Variants in ITGA11 observed in about 807,000 individuals in gnomAD.
ITGA11 encodes the protein integrin subunit alpha 11.
A neutral mutation model predicts 141.9 loss-of-function variants in ITGA11; 97 were observed. That is an observed-to-expected ratio of 0.68 (90% CI 0.58 to 0.81). The LOEUF (loss-of-function observed/expected upper bound fraction) is 0.81, where lower values mean the gene tolerates loss of function less well. Ranked by LOEUF, ITGA11 falls within the 30% of genes least tolerant of loss-of-function variation. The probability of loss-of-function intolerance (pLI) is 0.00; values close to 1 mark genes in which losing one functional copy is unlikely to be tolerated. For synonymous variants in ITGA11, 658 were observed against 624.6 expected (o/e 1.05, Z -0.80); for missense variants, 1,387 against 1,559.2 (o/e 0.89, Z 1.86).
chr15:68,318,305 T>C (rs1893664714), intron 20 of ITGA11, among the ~76,000 whole-genome samples: 1 of 152,158 alleles, frequency 6.6e-6, no homozygotes. Flanking sequence ...AGAAACTATC[T>C]CCATGATTCC....
chr15:68,369,232 C>T lies in ITGA11; in HGVS notation c.217G>A (p.Val73Met), dbSNP rs759344102. The change falls in exon 3 of 30, where the codon GTG becomes ATG. Residue 73 changes from valine to methionine, a missense_variant. By Grantham distance (21) the Val-to-Met change is conservative. Transcript: ENST00000315757. ...CCGTGGATCACTGGACACTTGTACACGTCTCCCGTCTTCTGGTAGCCATTG... is the reference window on the plus strand; with the variant it reads ...CCGTGGATCACTGGACACTTGTACATGTCTCCCGTCTTCTGGTAGCCATTG... ...ETNGYQKTGD[V>M]YKCPVIHGNC... 18 of 1,613,856 alleles carry T rather than the reference C, an allele frequency of 1.1e-5. No individual in the cohort carries two copies. The highest frequency in any genetic ancestry group is 4.4e-5 in the South Asian group (4 of 91,084).
intron 2 of ITGA11, among the ~76,000 whole-genome samples, chr15:68,396,295 A>G (rs980473969): frequency 1.8e-4 from 27 of 152,116 alleles, no homozygotes; most frequent in African/African-American, 5.8e-4. Context: ...AATTAACCAT[A>G]TTAACAGAAT....
At chr15:68,426,487 T>C (rs1374400938) in intron 1 of ITGA11, among the ~76,000 whole-genome samples, 1 of 151,902 alleles carries the variant, frequency 6.6e-6, no homozygotes, top group African/African-American at 2.4e-5. Context: ...GGGAGAGACG[T>C]TCTCACATAA....
intron 3 of ITGA11, among the ~76,000 whole-genome samples, chr15:68,366,616 G>A (rs187777198): frequency 6.6e-6 from 1 of 152,208 alleles, no homozygotes; most frequent in East Asian, 1.9e-4. Context: ...TGTGCAGCTG[G>A]CTGAGACAGA....
rs1893943933 is a variant in ITGA11 at position 68,325,452 on chromosome 15, T to C, written c.2212-211A>G. On this transcript the variant is annotated intron_variant, in intron 17 of 29. Transcript: ENST00000315757. This position sits in a 1 kb window ranked among gnomAD's most constrained non-coding sequence, Gnocchi z 5.5. ...CTGTGAAAGGAGCTCCAAGCTCAGC[T>C]CATGCCAACCTAGCTGCCTGGCTGT... 6.6e-6 allele frequency among the ~76,000 whole-genome samples: 1 copy of C among 152,124 alleles called. No homozygotes were observed. Among genetic ancestry groups the C allele is most frequent in the Admixed American group, 6.5e-5 (1 of 15,288 alleles).
chr15:68,401,139 A>G (rs1387011363), intron 2 of ITGA11, among the ~76,000 whole-genome samples: 1 of 150,786 alleles, frequency 6.6e-6, no homozygotes, highest in Non-Finnish European at 1.5e-5. Flanking sequence ...GAGAAATGCA[A>G]ATTAAACCCA....
At chr15:68,364,437 T>C (rs146589844) in intron 4 of ITGA11, among the ~76,000 whole-genome samples, 1 of 152,346 alleles carries the variant, frequency 6.6e-6, no homozygotes, top group East Asian at 1.9e-4. Flanking sequence ...TCCTCCCTCC[T>C]TCGGGATATG....
rs537345257 is a variant in ITGA11 at position 68,326,528 on chromosome 15, G to A, written c.2211+126C>T. The A allele has an allele frequency of 2.9e-6, 3 of 1,044,142 alleles. No homozygotes were observed. The South Asian group carries it at 5.0e-5, about 18-fold the overall frequency. The allele number at this position is 1,044,142 out of a possible 1,614,324, so 64.7% of individuals were successfully genotyped here. On this transcript the variant is annotated intron_variant, in intron 17 of 29. Coordinates refer to ENST00000315757, the MANE Select transcript of ITGA11 (RefSeq NM_001004439.2). This position sits in a 1 kb window ranked among gnomAD's most constrained non-coding sequence, Gnocchi z 6.8. ...GGAGTGGCCAAGGTCAGGGTACACT[G>A]TCCCTGGCTGGCTTCCTGAGGTCTG...
At chr15:68,320,564 A>C (rs1422396182) in intron 19 of ITGA11, among the ~76,000 whole-genome samples, 172 bp from the exon 20 acceptor site, 2 of 152,108 alleles carry the variant, frequency 1.3e-5, no homozygotes, top group Non-Finnish European at 2.9e-5. Context: ...GAAAGAGCTC[A>C]CCCTTCAAGA....
chr15:68,336,405 A>G (rs1894360197), intron 11 of ITGA11, among the ~76,000 whole-genome samples: 2 of 152,186 alleles, frequency 1.3e-5, no homozygotes, highest in South Asian at 2.1e-4. Context: ...GCAGCCCCAA[A>G]GCTTTGCAGA....
At chr15:68,400,344 A>C (rs960285020) in intron 2 of ITGA11, among the ~76,000 whole-genome samples, 2 of 151,502 alleles carry the variant, frequency 1.3e-5, no homozygotes, top group African/African-American at 4.9e-5. Flanking sequence ...GAATATCTTC[A>C]TGATATGGGG....
intron 2 of ITGA11, among the ~76,000 whole-genome samples, chr15:68,388,700 G>A (rs1896045082): frequency 6.6e-6 from 1 of 152,092 alleles, no homozygotes; most frequent in African/African-American, 2.4e-5. Context: ...CTTAGCTTGA[G>A]CATCCTCTTT....
chr15:68,402,182 G>A lies in ITGA11; in HGVS notation c.164+736C>T, dbSNP rs187781416. ...AGGGCTTCTAAAAGGGCCATGCAGAGTCCTGGCCCTTTCCATCCCAGGAAG... is the reference window on the plus strand; with the variant it reads ...AGGGCTTCTAAAAGGGCCATGCAGAATCCTGGCCCTTTCCATCCCAGGAAG... On this transcript the variant is annotated intron_variant, in intron 2 of 29. Coordinates refer to ENST00000315757, the MANE Select transcript of ITGA11 (RefSeq NM_001004439.2). Among the ~76,000 whole-genome samples, 940 of 151,646 alleles carry A rather than the reference G, an allele frequency of 6.2e-3. 9 individuals carry two copies. Among genetic ancestry groups the A allele is most frequent in the African/African-American group, 0.02 (830 of 41,370 alleles).
chr15:68,362,999 T>C (rs1218516604), intron 4 of ITGA11, among the ~76,000 whole-genome samples: 4 of 149,606 alleles, frequency 2.7e-5, no homozygotes, highest in Non-Finnish European at 6.0e-5. Flanking sequence ...GGATGATGGA[T>C]GGTTGATGGA....
intron 10 of ITGA11, among the ~76,000 whole-genome samples, chr15:68,339,852 C>A (rs1894505708): frequency 6.6e-6 from 1 of 152,096 alleles, no homozygotes; most frequent in Non-Finnish European, 1.5e-5. Flanking sequence ...ATCCTTGGCA[C>A]AAAATGGGTC....
Position 68,302,083 on chromosome 15 carries a change from T to TAG in ITGA11, c.*975_*976insCT, listed in dbSNP as rs1257643667. On this transcript the variant is annotated 3_prime_UTR_variant, in exon 30 of 30. Coordinates refer to ENST00000315757, the MANE Select transcript of ITGA11 (RefSeq NM_001004439.2). The stretch of plus-strand genomic sequence containing the variant: ...GTGTGTGTGTGTGTGTGTGTGTGTG[T>TAG]GTGTGTGTGTGTGTGTGTGTGTGTG... 3 of 71,008 alleles carry TAG rather than the reference T, an allele frequency of 4.2e-5. No individual in the cohort carries two copies. Among genetic ancestry groups the TAG allele is most frequent in the African/African-American group, 1.9e-4 (3 of 15,508 alleles). 4.4% of individuals were successfully genotyped at this position (71,008 alleles called of 1,614,324 possible). A position where few individuals can be genotyped will look rare whatever the true frequency, so the allele number is the denominator to read the frequency against.
In ITGA11 at chr15:68,352,765, A is replaced by C. The variant is rs371082397; in HGVS notation, c.750-1363T>G. On this transcript the variant is annotated intron_variant, in intron 7 of 29. Coordinates refer to ENST00000315757, the MANE Select transcript of ITGA11 (RefSeq NM_001004439.2). ...CCCAGAGCATGAGCTCAGCCCACCTATCAGGCAATCCAGCCCAGGAGACAG... is the reference window on the plus strand; with the variant it reads ...CCCAGAGCATGAGCTCAGCCCACCTCTCAGGCAATCCAGCCCAGGAGACAG... 9.2e-5 allele frequency among the ~76,000 whole-genome samples: 14 copies of C among 152,320 alleles called. No homozygotes were observed. The South Asian group carries it at 2.5e-3, about 27-fold the overall frequency.
chr15:68,312,723 G>T (rs756766690), intron 24 of ITGA11, 50 bp downstream of exon 24: 4 of 1,355,196 alleles, frequency 3.0e-6, no homozygotes, highest in Admixed American at 3.5e-5. Context: ...CAGGATGGGG[G>T]TGCTCAGATC....
chr15:68,386,577 G>T (rs1019609459), intron 2 of ITGA11, among the ~76,000 whole-genome samples: 1 of 152,118 alleles, frequency 6.6e-6, no homozygotes, highest in Non-Finnish European at 1.5e-5. Flanking sequence ...TTTCCCAAGA[G>T]AAGCTTCTAT....
Sources: gnomAD v4.1 joint callset for allele counts (sites outside exome capture counted in the v4.1 genomes callset) on GRCh38, gnomAD v4.1.1 for gene constraint, Gnocchi (gnomAD v3.1) non-coding constraint, MANE v1.5 for transcripts, NCBI Gene and HGNC (gene_info 2026-07-23, HGNC 2026-07-21) for gene names.